The following SMPD4 variants were observed in gnomAD, a reference collection of about 807,000 sequenced individuals.
SMPD4 encodes the protein sphingomyelin phosphodiesterase 4.
SMPD4 carries 58 observed loss-of-function variants against 97.8 expected under a neutral mutation model. That is an observed-to-expected ratio of 0.59 (90% CI 0.48 to 0.74). The LOEUF (loss-of-function observed/expected upper bound fraction) is 0.74, where lower values mean the gene tolerates loss of function less well. SMPD4 is among the 30% of genes least tolerant of loss of function. The pLI is 0.00. For synonymous variants in SMPD4, 388 were observed against 450.0 expected (o/e 0.86, Z 1.74); for missense variants, 853 against 1,080.5 (o/e 0.79, Z 2.95).
chr2:130,152,553 C>T lies in SMPD4; in HGVS notation c.*2G>A. On this transcript the variant is annotated 3_prime_UTR_variant, in exon 20 of 20. Transcript: ENST00000680298. ...AGCCTGCTCTGAAGGCAGCTGACAC[C>T]TTCAGGGCTGGTGCAGCTTCCCCCG... The T allele has an allele frequency of 6.5e-7, 1 of 1,545,484 alleles. No homozygotes were observed. Among genetic ancestry groups the T allele is most frequent in the South Asian group, 1.2e-5 (1 of 83,894 alleles).
chr2:130,163,833 G>A (rs1170849489), intron 10 of SMPD4, among the ~76,000 whole-genome samples: 1 of 152,226 alleles, frequency 6.6e-6, no homozygotes, highest in Non-Finnish European at 1.5e-5. Context: ...AGCAGGGACA[G>A]GCGAGGCGGA....
chr2:130,158,699 G>A (rs1459558874), intron 11 of SMPD4, among the ~76,000 whole-genome samples: 3 of 152,168 alleles, frequency 2.0e-5, no homozygotes, highest in African/African-American at 7.2e-5. Context: ...GCAGGTGGGC[G>A]CATCGAGAGT....
intron 8 of SMPD4, among the ~76,000 whole-genome samples, chr2:130,170,508 G>A (rs113752412): frequency 0.014 from 2,115 of 148,812 alleles, 55 homozygotes; most frequent in African/African-American, 0.05. Flanking sequence ...GTTCATGCCT[G>A]TAATCTCTGA....
intron 7 of SMPD4, 51 bp from the exon 8 acceptor site, chr2:130,172,551 C>G: frequency 6.2e-7 from 1 of 1,613,328 alleles, no homozygotes; most frequent in Non-Finnish European, 8.5e-7. Flanking sequence ...TGCCAGGCCA[C>G]CAAGCACCAA....
chr2:130,180,271 C>CT (rs1198208346), intron 1 of SMPD4, among the ~76,000 whole-genome samples: 1 of 146,712 alleles, frequency 6.8e-6, no homozygotes, highest in South Asian at 2.2e-4. Context: ...CCAGCTTTCT[C>CT]TTTTTCTTTT....
rs771096170 is a variant in SMPD4 at position 130,152,636 on chromosome 2, C to A, written c.2403G>T (p.Thr801=). 3 of 1,559,054 alleles carry A rather than the reference C, an allele frequency of 1.9e-6. No homozygotes were observed. Among genetic ancestry groups the A allele is most frequent in the Non-Finnish European group, 2.6e-6 (3 of 1,152,304 alleles). The change falls in exon 20 of 20, where the codon ACG becomes ACT. Residue 801 remains threonine (T), a synonymous_variant. Transcript: ENST00000680298. The part of the protein sequence containing the change: ...SLFCVGPLPC[T]LLLTLGYVLY... Reference sequence around the variant, plus strand: ...GGACATAGCCCAGGGTGAGCAGCAGCGTGCATGGGAGGGGCCCGACGCAGA... The same window carrying A: ...GGACATAGCCCAGGGTGAGCAGCAGAGTGCATGGGAGGGGCCCGACGCAGA...
Position 130,153,815 on chromosome 2 carries a change from C to T in SMPD4, c.1780G>A (p.Asp594Asn), listed in dbSNP as rs1321795244. 4 of 1,614,024 alleles carry T rather than the reference C, an allele frequency of 2.5e-6. No homozygotes were observed. Among genetic ancestry groups the T allele is most frequent in the Middle Eastern group, 3.3e-4 (2 of 6,056 alleles). The change falls in exon 17 of 20, where the codon GAC becomes AAC. Residue 594 changes from aspartate (D) to asparagine (N), a missense_variant. Coordinates refer to ENST00000680298, the MANE Select transcript of SMPD4 (RefSeq NM_017951.5). ...FLSWLGFSSM[D>N]TNGSYTANDL... Reference sequence around the variant, plus strand: ...TTGGCTGTGTAGGAGCCATTGGTGTCCATGGAGCTAAAGCCCAGCCATGAG... The same window carrying T: ...TTGGCTGTGTAGGAGCCATTGGTGTTCATGGAGCTAAAGCCCAGCCATGAG...
At chr2:130,154,198 T>G in intron 16 of SMPD4, 79 bp downstream of exon 16, 4 of 1,385,520 alleles carry the variant, frequency 2.9e-6, no homozygotes, top group Non-Finnish European at 3.9e-6. Flanking sequence ...TCCTTCCTGC[T>G]GGATCACAGC....
rs1303423797 is a variant in SMPD4, at chr2:130,154,342, C to T, written c.1594G>A (p.Val532Ile). ...CAGTCCTGGCCCTCCAGGCTGTAGACGTGGCTCTTCACCTTGAAGGAGGCA... is the reference window on the plus strand; with the variant it reads ...CAGTCCTGGCCCTCCAGGCTGTAGATGTGGCTCTTCACCTTGAAGGAGGCA... The part of the protein sequence containing the change: ...TDASFKVKSH[V>I]YSLEGQDCKY... Residue 532 changes from valine to isoleucine, a missense_variant, in exon 16 of 20, where the codon GTC (valine) becomes ATC (isoleucine). Physicochemically the swap from Val to Ile is conservative, Grantham distance 29. This residue lies in a region of SMPD4 where 511 missense variants were observed against 608.1 expected (regional missense o/e 0.84). Transcript: ENST00000680298. 7.4e-6 allele frequency: 12 copies of T among 1,611,532 alleles called. No individual in the cohort carries two copies. The highest frequency in any genetic ancestry group is 5.3e-5 in the African/African-American group (4 of 74,876).
In SMPD4 at chr2:130,156,739, C is replaced by T. The variant is rs191775692; in HGVS notation, c.1098-64G>A. 2.4e-5 allele frequency: 37 copies of T among 1,571,486 alleles called. No homozygotes were observed. The Admixed American group carries it at 5.2e-4, about 22-fold the overall frequency. On this transcript the variant is annotated intron_variant, in intron 12 of 19. Transcript: ENST00000680298. ...TAAGGAGGCCCTGCTCACAGATGACCCCAGGGCTCCCATCAGTGAGGGTTG... is the reference window on the plus strand; with the variant it reads ...TAAGGAGGCCCTGCTCACAGATGACTCCAGGGCTCCCATCAGTGAGGGTTG...
At chr2:130,153,010 G>A in intron 19 of SMPD4, 33 bp downstream of exon 19, 1 of 1,596,598 alleles carries the variant, frequency 6.3e-7, no homozygotes, top group Non-Finnish European at 8.5e-7. Context: ...AACCCTCTCT[G>A]AAGACGCCAG....
At chr2:130,158,625 C>A (rs769912121) in intron 11 of SMPD4, among the ~76,000 whole-genome samples, 1 of 152,186 alleles carries the variant, frequency 6.6e-6, no homozygotes, top group South Asian at 2.1e-4. Context: ...TCCTGGAGAT[C>A]TAGCCGGAGA....
intron 11 of SMPD4, chr2:130,158,237 G>C (rs1023766102): frequency 7.8e-7 from 1 of 1,288,750 alleles, no homozygotes. Flanking sequence ...TAGAAGCCCC[G>C]GGCGTCACTT....
rs372366018 is a variant in SMPD4, at chr2:130,174,899, T to A, written c.126+15A>T. 1 of 1,558,428 alleles carries A rather than the reference T, an allele frequency of 6.4e-7. No individual in the cohort carries two copies. The highest frequency in any genetic ancestry group is 1.4e-5 in the African/African-American group (1 of 73,876). On this transcript the variant is annotated intron_variant, in intron 3 of 19. Coordinates refer to ENST00000680298, the MANE Select transcript of SMPD4 (RefSeq NM_017951.5). ...ATAAGACATGCTCCAAAGAGAGACG[T>A]TAGCAGAGCTATACCTTTGCTGGAA...
chr2:130,152,451 G>A lies in SMPD4; in HGVS notation c.*104C>T. 2 of 1,274,288 alleles carry A rather than the reference G, an allele frequency of 1.6e-6. No homozygotes were observed. Among genetic ancestry groups the A allele is most frequent in the Non-Finnish European group, 2.1e-6 (2 of 941,188 alleles). The allele number at this position is 1,274,288 out of a possible 1,614,324, so 78.9% of individuals were successfully genotyped here. A position where few individuals can be genotyped will look rare whatever the true frequency, so the allele number is the denominator to read the frequency against. ...CAGGAACCCCGCTCCAGAAGCCCGA[G>A]GATGACCGTGTTCCCTCCTGGAGGG... On this transcript the variant is annotated 3_prime_UTR_variant, in exon 20 of 20. Coordinates refer to ENST00000680298, the MANE Select transcript of SMPD4 (RefSeq NM_017951.5).
chr2:130,172,069 G>A (rs1335102307), intron 8 of SMPD4, among the ~76,000 whole-genome samples: 3 of 152,132 alleles, frequency 2.0e-5, no homozygotes, highest in African/African-American at 4.8e-5. Flanking sequence ...CTGTGGGGAC[G>A]GCTGCTCCAT....
chr2:130,178,855 C>T (rs13001448), intron 1 of SMPD4, among the ~76,000 whole-genome samples: 52,022 of 151,454 alleles, frequency 0.34, 9,297 homozygotes, highest in East Asian at 0.46. Flanking sequence ...CAGAATCCTA[C>T]CTCTCAGCTC....
intron 11 of SMPD4, among the ~76,000 whole-genome samples, chr2:130,159,806 G>A (rs1244694118): frequency 1.3e-5 from 2 of 152,184 alleles, no homozygotes; most frequent in South Asian, 2.1e-4. Flanking sequence ...ATCCTGAGCC[G>A]TAACATCCTT....
chr2:130,178,494 T>G (rs1213658312), intron 1 of SMPD4, among the ~76,000 whole-genome samples: 27 of 151,978 alleles, frequency 1.8e-4, no homozygotes, highest in Admixed American at 1.2e-3. Context: ...GAATAAGCCA[T>G]GAGAAAACTA....
Sources: allele counts gnomAD v4.1 joint callset (sites outside exome capture counted in the v4.1 genomes callset), GRCh38; gene constraint gnomAD v4.1.1; regional missense constraint gnomAD v4.1.1; transcripts MANE v1.5; gene names NCBI Gene and HGNC (gene_info 2026-07-23, HGNC 2026-07-21).